Variants in RBBP8 observed in about 807,000 individuals in gnomAD.
RBBP8 encodes the protein RB binding protein 8, endonuclease.
Under a neutral mutation model 108.3 loss-of-function variants are expected in RBBP8, and 88 were observed. The ratio of observed to expected loss-of-function variants is 0.81; its 90% CI spans 0.68 to 0.97. The LOEUF (loss-of-function observed/expected upper bound fraction) is 0.97, where lower values mean the gene tolerates loss of function less well. RBBP8 is among the 50% of genes least tolerant of loss of function. The pLI, the probability that RBBP8 is intolerant of heterozygous loss-of-function variation, is 0.00. For missense variants in RBBP8, 1,023 were observed against 1,049.0 expected, an observed-to-expected ratio of 0.98 and a Z score of 0.34; for synonymous variants, 332 against 348.2, an observed-to-expected ratio of 0.95 and a Z score of 0.52.
intron 12 of RBBP8, 92 bp downstream of exon 12, chr18:22,993,939 A>G (rs2045798540): frequency 1.5e-6 from 2 of 1,377,370 alleles, no homozygotes; most frequent in Non-Finnish European, 1.0e-6. Flanking sequence ...ATTGTTTTGG[A>G]AAAAAACTTA....
intron 3 of RBBP8, among the ~76,000 whole-genome samples, chr18:22,926,116 C>T (rs1185634446): frequency 2.0e-5 from 3 of 152,110 alleles, no homozygotes; most frequent in Non-Finnish European, 4.4e-5. Flanking sequence ...AACAGGTGTC[C>T]CTTTCCATTC....
At chr18:22,995,724 A>G (rs1364914070) in intron 12 of RBBP8, among the ~76,000 whole-genome samples, 1 of 152,200 alleles carries the variant, frequency 6.6e-6, no homozygotes, top group East Asian at 1.9e-4. Flanking sequence ...GTTACAGCAT[A>G]TATCAATATT....
At chr18:22,980,658 G>A (rs1044326870) in intron 6 of RBBP8, among the ~76,000 whole-genome samples, 5 of 152,030 alleles carry the variant, frequency 3.3e-5, no homozygotes, top group African/African-American at 1.2e-4. Flanking sequence ...AGTGAAATGA[G>A]CAGATGTGAC....
At chr18:22,991,257 T>C (rs544066977) in intron 10 of RBBP8, among the ~76,000 whole-genome samples, 37 of 152,374 alleles carry the variant, frequency 2.4e-4, no homozygotes, top group African/African-American at 8.7e-4. Flanking sequence ...CATTTTTAGC[T>C]ACTTTCTGTG....
At chr18:22,953,685 G>A (rs975343201) in intron 4 of RBBP8, among the ~76,000 whole-genome samples, 1 of 151,806 alleles carries the variant, frequency 6.6e-6, no homozygotes, top group Non-Finnish European at 1.5e-5. Flanking sequence ...CAGTGGATGA[G>A]TGCCTCATCT....
intron 5 of RBBP8, among the ~76,000 whole-genome samples, chr18:22,973,807 G>T (rs539066225): frequency 6.6e-6 from 1 of 152,090 alleles, no homozygotes; most frequent in African/African-American, 2.4e-5. Context: ...ATGCCTTCCT[G>T]ATCTTCTCAA....
intron 4 of RBBP8, among the ~76,000 whole-genome samples, chr18:22,967,943 A>G (rs1157789443): frequency 1.3e-5 from 2 of 150,464 alleles, no homozygotes; most frequent in African/African-American, 2.4e-5. Flanking sequence ...CACTGTGCCC[A>G]GCCTGTAATT....
rs372112374 is a variant in RBBP8 at position 22,977,140 on chromosome 18, C to T, written c.428+1921C>T. Among the ~76,000 whole-genome samples, 3 of 151,934 alleles carry T rather than the reference C, an allele frequency of 2.0e-5. No individual in the cohort carries two copies. The South Asian group carries it at 6.2e-4, about 31-fold the overall frequency. On this transcript the variant is annotated intron_variant, in intron 6 of 18. Transcript: ENST00000327155. ...TCTGAAATATAAGATAGTTGTGATT[C>T]TCATGAACCAACTTCTTCTGTAGCT...
chr18:22,989,544 G>GTAAT (rs1443306260), intron 9 of RBBP8, among the ~76,000 whole-genome samples: 5 of 152,162 alleles, frequency 3.3e-5, no homozygotes, highest in African/African-American at 1.2e-4. Context: ...ATTTAGGGGA[G>GTAAT]TAATTATGGC....
At chr18:22,963,175 T>C (rs1454030445) in intron 4 of RBBP8, among the ~76,000 whole-genome samples, 2 of 152,184 alleles carry the variant, frequency 1.3e-5, no homozygotes, top group Non-Finnish European at 2.9e-5. Context: ...AAAAATCTCT[T>C]TTTAAAAATG....
At chr18:22,959,947 A>G (rs1196786486) in intron 4 of RBBP8, among the ~76,000 whole-genome samples, 1 of 144,778 alleles carries the variant, frequency 6.9e-6, no homozygotes, top group African/African-American at 2.6e-5. Flanking sequence ...GCTGGAGTAC[A>G]GTGGTGCAAT....
At chr18:22,959,013 T>C (rs900103884) in intron 4 of RBBP8, among the ~76,000 whole-genome samples, 1 of 152,218 alleles carries the variant, frequency 6.6e-6, no homozygotes, top group Admixed American at 6.5e-5. Flanking sequence ...AACAAATACT[T>C]AATGAACCAC....
upstream of RBBP8, among the ~76,000 whole-genome samples, chr18:22,932,733 TCAAA>T (rs1228225694): frequency 1.3e-5 from 2 of 152,230 alleles, no homozygotes; most frequent in Non-Finnish European, 2.9e-5. Flanking sequence ...GGTTTGAATC[TCAAA>T]CGAACAGCCA....
At chr18:22,922,603 T>C (rs1419601995) in intron 3 of RBBP8, among the ~76,000 whole-genome samples, 1 of 152,030 alleles carries the variant, frequency 6.6e-6, no homozygotes, top group Non-Finnish European at 1.5e-5. Context: ...GCTCGGACTA[T>C]AGGCACGCAT....
intron 4 of RBBP8, among the ~76,000 whole-genome samples, chr18:22,968,413 A>G (rs1422275500): frequency 6.6e-6 from 1 of 152,202 alleles, no homozygotes; most frequent in Non-Finnish European, 1.5e-5. Context: ...TTTTTCATCA[A>G]AAATATTATT....
chr18:22,919,427 T>C (rs1472301223), intron 3 of RBBP8, among the ~76,000 whole-genome samples: 1 of 152,274 alleles, frequency 6.6e-6, no homozygotes, highest in Admixed American at 6.5e-5. Context: ...TTTCTGCTGA[T>C]GCTATAATTT....
chr18:23,025,039 G>A (rs990072061), intron 18 of RBBP8, among the ~76,000 whole-genome samples: 2 of 152,146 alleles, frequency 1.3e-5, no homozygotes, highest in African/African-American at 2.4e-5. Context: ...ATTGAGCCCA[G>A]GAGTTCGAGA....
At chr18:22,918,759 C>G in intron 3 of RBBP8, among the ~76,000 whole-genome samples, 1 of 152,148 alleles carries the variant, frequency 6.6e-6, no homozygotes, top group East Asian at 1.9e-4. Flanking sequence ...CAGGCACATG[C>G]CGCTACACCT....
At chr18:22,924,223 G>A (rs909554113) in intron 3 of RBBP8, among the ~76,000 whole-genome samples, 7 of 137,846 alleles carry the variant, frequency 5.1e-5, no homozygotes, top group Admixed American at 2.5e-4. Flanking sequence ...CTGCCTCCCT[G>A]GTTCAAGCAA....
Sources: allele counts gnomAD v4.1 joint callset (sites outside exome capture counted in the v4.1 genomes callset), GRCh38; gene constraint gnomAD v4.1.1; transcripts MANE v1.5; gene names NCBI Gene and HGNC (gene_info 2026-07-23, HGNC 2026-07-21).